CDH18: variants seen among roughly 807,000 people sequenced by gnomAD.
CDH18 encodes cadherin 18, also known as cadherin-18.
A neutral mutation model predicts 67.9 loss-of-function variants in CDH18; 31 were observed. The observed-to-expected ratio is 0.46, with a 90% CI of 0.34 to 0.62. The LOEUF (loss-of-function observed/expected upper bound fraction) is 0.62, where lower values mean the gene tolerates loss of function less well. Among genes scored for constraint, CDH18 ranks in the 20% least tolerant of loss-of-function variants. The pLI, the probability that CDH18 is intolerant of heterozygous loss-of-function variation, is 0.01. For synonymous variants in CDH18, 362 were observed against 347.2 expected, an observed-to-expected ratio of 1.04 and a Z score of -0.48; for missense variants, 890 against 975.5, an observed-to-expected ratio of 0.91 and a Z score of 1.17.
rs571188794 is a variant in CDH18, at chr5:19,482,442, A to G, written c.1882+859T>C. ...AAAATTATTGTTTTTAAGGGAATATAATTAAATTCAATAAAATTTAATATC... is the reference window on the plus strand; with the variant it reads ...AAAATTATTGTTTTTAAGGGAATATGATTAAATTCAATAAAATTTAATATC... On this transcript the variant is annotated intron_variant, in intron 12 of 12. Coordinates refer to ENST00000382275, the MANE Select transcript of CDH18 (RefSeq NM_004934.5). Among the ~76,000 whole-genome samples, 17 of 152,346 alleles carry G rather than the reference A, an allele frequency of 1.1e-4. No individual in the cohort carries two copies. In the East Asian group the frequency reaches 3.3e-3, roughly 29 times the overall value.
intron 1 of CDH18, among the ~76,000 whole-genome samples, chr5:20,451,427 T>C (rs1007347321): frequency 6.6e-6 from 1 of 152,162 alleles, no homozygotes; most frequent in Non-Finnish European, 1.5e-5. Flanking sequence ...ACTGCACTGA[T>C]GAACATAAAA....
upstream of CDH18, among the ~76,000 whole-genome samples, chr5:19,992,167 G>T (rs1413018632): frequency 6.6e-6 from 1 of 151,906 alleles, no homozygotes; most frequent in Admixed American, 6.6e-5. Context: ...ATAATAATTA[G>T]ATCCATGTGT....
chr5:20,058,866 T>C (rs1742222279), intron 2 of CDH18, among the ~76,000 whole-genome samples: 1 of 152,160 alleles, frequency 6.6e-6, no homozygotes. Context: ...TAATTACTAT[T>C]AAGCTGGCCC....
At chr5:19,488,703 C>T (rs1182498425) in intron 11 of CDH18, among the ~76,000 whole-genome samples, 1 of 152,170 alleles carries the variant, frequency 6.6e-6, no homozygotes, top group Non-Finnish European at 1.5e-5. Context: ...GAACTACACT[C>T]AGCAGGAACT....
chr5:19,765,135 T>G (rs1217213786), intron 3 of CDH18, among the ~76,000 whole-genome samples: 1 of 152,186 alleles, frequency 6.6e-6, no homozygotes, highest in Non-Finnish European at 1.5e-5. Flanking sequence ...TCATGTGTAT[T>G]CTCAGCTAAA....
chr5:19,618,138 T>C (rs374107950), intron 5 of CDH18, among the ~76,000 whole-genome samples: 219 of 152,064 alleles, frequency 1.4e-3, no homozygotes, highest in African/African-American at 5.0e-3. Flanking sequence ...TAGACACACA[T>C]ATTTATGAGA....
intron 2 of CDH18, among the ~76,000 whole-genome samples, chr5:20,158,067 T>C (rs78451674): frequency 0.034 from 5,161 of 152,282 alleles, 310 homozygotes; most frequent in African/African-American, 0.12. Context: ...TGTCTTTTTG[T>C]GAATTGGAGT....
At chr5:20,508,750 T>A (rs1279031178) in intron 1 of CDH18, among the ~76,000 whole-genome samples, 1 of 152,020 alleles carries the variant, frequency 6.6e-6, no homozygotes, top group African/African-American at 2.4e-5. Flanking sequence ...GAGTCTCAGT[T>A]CCATTGTTGG....
chr5:19,856,630 G>A (rs1254577016), intron 2 of CDH18, among the ~76,000 whole-genome samples: 1 of 152,016 alleles, frequency 6.6e-6, no homozygotes, highest in African/African-American at 2.4e-5. Context: ...AAATGAGGCT[G>A]CTAGCATGAG....
intron 4 of CDH18, among the ~76,000 whole-genome samples, chr5:19,742,407 T>TACACACACAC (rs5866397): frequency 6.7e-6 from 1 of 149,592 alleles, no homozygotes; most frequent in East Asian, 2.0e-4. Flanking sequence ...CACGCATGGG[T>TACACACACAC]ACACACACAC....
chr5:20,405,843 C>A (rs1368242429), intron 1 of CDH18, among the ~76,000 whole-genome samples: 2 of 152,314 alleles, frequency 1.3e-5, no homozygotes, highest in East Asian at 3.9e-4. Flanking sequence ...TGCTCATCAT[C>A]ACTGGTCATC....
In CDH18 at chr5:20,089,812, T is replaced by C. The variant is rs369775536; in HGVS notation, c.-517-97798A>G. 5.9e-5 allele frequency among the ~76,000 whole-genome samples: 9 copies of C among 152,320 alleles called. No homozygotes were observed. The East Asian group carries it at 7.7e-4, about 13-fold the overall frequency. ...AAACTTTGCTGCTTCTGAAATACTTTGTGTTATTTTTATTTCAAAAATAAT... is the reference window on the plus strand; with the variant it reads ...AAACTTTGCTGCTTCTGAAATACTTCGTGTTATTTTTATTTCAAAAATAAT... On this transcript the variant is annotated intron_variant, in intron 2 of 14. Transcript: ENST00000507958.
chr5:20,437,388 G>T (rs1749250868), intron 1 of CDH18, among the ~76,000 whole-genome samples: 1 of 150,944 alleles, frequency 6.6e-6, no homozygotes, highest in East Asian at 1.9e-4. Context: ...AATTTCTTTT[G>T]TACTACAGAG....
rs372752334 is a variant in CDH18, at chr5:19,811,037, A to AGGAAAGGGAAAG, written c.228+27710_228+27721dup. On this transcript the variant is annotated intron_variant, in intron 3 of 12. Transcript: ENST00000382275. ...GACTCTGTCTCAAAAAGGAAAGGAA[A>AGGAAAGGGAAAG]GGAAAGGGAAAGGGAAAGGAAAAGG... is the stretch of plus-strand genomic sequence containing the variant. 1.2e-3 allele frequency among the ~76,000 whole-genome samples: 166 copies of AGGAAAGGGAAAG among 141,248 alleles called. 1 individual carries two copies. Among genetic ancestry groups the AGGAAAGGGAAAG allele is most frequent in the South Asian group, 5.3e-3 (24 of 4,510 alleles). The allele number at this position is 141,248 out of a possible 152,430, so 92.7% of individuals were successfully genotyped here.
chr5:20,025,248 T>C (rs1738792891), intron 2 of CDH18, among the ~76,000 whole-genome samples: 1 of 152,194 alleles, frequency 6.6e-6, no homozygotes, highest in Non-Finnish European at 1.5e-5. Flanking sequence ...AAGTATTCAT[T>C]TGTGGTCTGT....
chr5:19,728,265 G>T (rs1197059707), intron 4 of CDH18, among the ~76,000 whole-genome samples: 5 of 152,030 alleles, frequency 3.3e-5, no homozygotes, highest in African/African-American at 1.2e-4. Context: ...CTTAAATTTT[G>T]AAACTGTTTC....
At chr5:20,256,061 A>G (rs1214405092) in intron 1 of CDH18, among the ~76,000 whole-genome samples, 1 of 151,996 alleles carries the variant, frequency 6.6e-6, no homozygotes, top group Non-Finnish European at 1.5e-5. Context: ...TAAATCAATA[A>G]AAAATATATA....
intron 1 of CDH18, among the ~76,000 whole-genome samples, chr5:20,398,936 C>G (rs1745528885): frequency 1.2e-5 from 1 of 84,200 alleles, no homozygotes; most frequent in African/African-American, 4.4e-5. Flanking sequence ...CACACGTATA[C>G]CTACATAGAA....
intron 7 of CDH18, among the ~76,000 whole-genome samples, chr5:19,582,140 A>G (rs1052422595): frequency 2.0e-5 from 3 of 151,964 alleles, no homozygotes; most frequent in Admixed American, 6.6e-5. Flanking sequence ...AAGTATGCTT[A>G]TTATTATTTA....
Sources: gnomAD v4.1 joint callset for allele counts (sites outside exome capture counted in the v4.1 genomes callset) on GRCh38, gnomAD v4.1.1 for gene constraint, MANE v1.5 for transcripts, NCBI Gene and HGNC (gene_info 2026-07-23, HGNC 2026-07-21) for gene names.